The following ABCA10 variants were observed in gnomAD, a reference collection of about 807,000 sequenced individuals.
The protein encoded by ABCA10 is ATP binding cassette subfamily A member 10.
Under a neutral mutation model 187.5 loss-of-function variants are expected in ABCA10, and 169 were observed. The observed-to-expected ratio is 0.90, with a 90% CI of 0.80 to 1.02. The LOEUF (loss-of-function observed/expected upper bound fraction) is 1.02, where lower values mean the gene tolerates loss of function less well. Among genes scored for constraint, ABCA10 ranks in the 50% least tolerant of loss-of-function variants. ABCA10 has a pLI of 0.00. For synonymous variants in ABCA10, 574 were observed against 601.8 expected, an observed-to-expected ratio of 0.95 and a Z score of 0.68; for missense variants, 1,727 against 1,812.4, an observed-to-expected ratio of 0.95 and a Z score of 0.86.
rs74354466 is a variant in ABCA10, at chr17:69,215,666, T to A, written c.858+149A>T. On this transcript the variant is annotated intron_variant, in intron 8 of 38. Transcript: ENST00000690296. ...GCTTTGTTTATCCATTTGATAAAAC[T>A]TTTTTGTTGTTCTTATTTAGTTTCT... The A allele has an allele frequency of 2.6e-3, 1,981 of 753,506 alleles. 23 individuals are homozygous for A. The African/African-American group carries it at 0.031, about 12-fold the overall frequency. 46.7% of individuals were successfully genotyped at this position (753,506 alleles called of 1,614,324 possible).
intron 9 of ABCA10, among the ~76,000 whole-genome samples, chr17:69,205,031 G>A (rs563573578): frequency 6.6e-6 from 1 of 152,296 alleles, no homozygotes; most frequent in African/African-American, 2.4e-5. Flanking sequence ...GGGAGGCTGA[G>A]GTGGGAGGAT....
chr17:69,219,575 G>A lies in ABCA10; in HGVS notation c.500C>T (p.Thr167Ile). 2.5e-6 allele frequency: 4 copies of A among 1,606,266 alleles called. No homozygotes were observed. Among genetic ancestry groups the A allele is most frequent in the Non-Finnish European group, 3.4e-6 (4 of 1,176,556 alleles). ...RERGKFKKLMTVMGLRESAFW... is the reference protein window; with the variant it reads ...RERGKFKKLMIVMGLRESAFW... ...TGCTGACTCTCGGAGACCCATCACT[G>A]TCATCAGTTTCTTAAATTTTCCTCT... The change falls in exon 6 of 39, where the codon ACA becomes ATA. Residue 167 changes from threonine to isoleucine, a missense_variant. Physicochemically the swap from Thr to Ile is moderately conservative, Grantham distance 89. Coordinates refer to ENST00000690296, the MANE Select transcript of ABCA10 (RefSeq NM_001377321.1).
In ABCA10 at chr17:69,225,522, G is replaced by A. The variant is rs2074787227; in HGVS notation, c.-164C>T. ...ATATAGCCCTAGAAACAATGTTATT[G>A]TCCATTCCTCCAGCACACAAAAGAG... On this transcript the variant is annotated 5_prime_UTR_variant, in exon 3 of 39. It introduces an in-frame stop codon into an upstream open reading frame of the 5' UTR. Transcript: ENST00000690296. 1.6e-6 allele frequency: 1 copy of A among 607,096 alleles called. No homozygotes were observed. Among genetic ancestry groups the A allele is most frequent in the South Asian group, 2.3e-5 (1 of 42,932 alleles). 37.6% of individuals were successfully genotyped at this position (607,096 alleles called of 1,614,324 possible).
At chr17:69,194,294 A>T in intron 12 of ABCA10, 91 bp downstream of exon 12, 1 of 1,083,442 alleles carries the variant, frequency 9.2e-7, no homozygotes, top group Non-Finnish European at 1.4e-6. Flanking sequence ...ACTGTGTAAC[A>T]AGTCCAATTT....
intron 3 of ABCA10, 95 bp from the exon 4 acceptor site, chr17:69,222,792 G>T: frequency 8.5e-7 from 1 of 1,172,182 alleles, no homozygotes; most frequent in Non-Finnish European, 1.2e-6. Context: ...TATAAAATTA[G>T]TGGTATTATA....
chr17:69,192,756 A>G (rs2074470541), intron 15 of ABCA10, 103 bp from the exon 16 acceptor site: 2 of 983,542 alleles, frequency 2.0e-6, no homozygotes, highest in East Asian at 2.4e-5. Flanking sequence ...TTGTAATATC[A>G]ATACAACTGT....
At chr17:69,202,409 T>C (rs1349361391) in intron 9 of ABCA10, among the ~76,000 whole-genome samples, 1 of 152,078 alleles carries the variant, frequency 6.6e-6, no homozygotes, top group Non-Finnish European at 1.5e-5. Context: ...GTCCTAAGAA[T>C]ACAACAAAAG....
chr17:69,149,866 G>T, intron 37 of ABCA10, 118 bp downstream of exon 37: 1 of 764,280 alleles, frequency 1.3e-6, no homozygotes, highest in South Asian at 2.0e-5. Context: ...ATCCTGGTAG[G>T]GATTTTTCAA....
At chr17:69,216,609 T>C (rs2144840626) in intron 6 of ABCA10, among the ~76,000 whole-genome samples, 1 of 152,310 alleles carries the variant, frequency 6.6e-6, no homozygotes, top group East Asian at 1.9e-4. Context: ...TTTGAAGATG[T>C]TAGTTTAGCA....
rs535104461 is a variant in ABCA10, at chr17:69,150,282, G to C, written c.4398-219C>G. The C allele has an allele frequency of 9.2e-6, 4 of 432,444 alleles. No individual in the cohort carries two copies. The East Asian group carries it at 1.6e-4, about 18-fold the overall frequency. 26.8% of individuals were successfully genotyped at this position (432,444 alleles called of 1,614,324 possible). On this transcript the variant is annotated intron_variant, in intron 36 of 38. Transcript: ENST00000690296. ...ATTTTATGTTAAAGATAAATTCTGA[G>C]AAATAGCTCTGATTAAGAATCTTTC...
At position 69,171,739 on chromosome 17, in the gene ABCA10, C is replaced by T. The variant is rs193050551; in HGVS notation, c.3162+2542G>A. Among the ~76,000 whole-genome samples the T allele has an allele frequency of 3.3e-5, 5 of 152,182 alleles. No homozygotes were observed. In the East Asian group the frequency reaches 7.7e-4, roughly 23 times the overall value. On this transcript the variant is annotated intron_variant, in intron 25 of 38. Transcript: ENST00000690296. Reference sequence around the variant, plus strand: ...ATAGCAACTGACTGATAGCAGACATCTGAACAGTTAAAATGTAAGCAACAA... The same window carrying T: ...ATAGCAACTGACTGATAGCAGACATTTGAACAGTTAAAATGTAAGCAACAA...
upstream of ABCA10, among the ~76,000 whole-genome samples, chr17:69,231,277 A>T (rs1242203581): frequency 2.0e-5 from 3 of 152,078 alleles, no homozygotes; most frequent in Non-Finnish European, 4.4e-5. Flanking sequence ...TTCAAATGGC[A>T]TTCTCCTGTG....
intron 25 of ABCA10, among the ~76,000 whole-genome samples, chr17:69,167,185 T>C (rs1385628637): frequency 1.3e-5 from 2 of 152,262 alleles, no homozygotes; most frequent in Middle Eastern, 6.8e-3. Context: ...CCCAGAACCA[T>C]GTGAGTTCAA....
intron 11 of ABCA10, chr17:69,196,267 G>A (rs532882656): frequency 1.1e-4 from 18 of 167,760 alleles, no homozygotes; most frequent in Non-Finnish European, 1.9e-4. Context: ...GGTGGCTGCC[G>A]GGCAGAGGGG....
At chr17:69,232,052 C>G (rs1345902092), upstream of ABCA10, among the ~76,000 whole-genome samples, 5 of 152,066 alleles carry the variant, frequency 3.3e-5, no homozygotes, top group East Asian at 9.6e-4. Context: ...ATAAGTATAG[C>G]TACTCCTACT....
chr17:69,242,905 G>A (rs2048760365), intron 1 of ABCA10, among the ~76,000 whole-genome samples: 1 of 152,158 alleles, frequency 6.6e-6, no homozygotes, highest in Non-Finnish European at 1.5e-5. Flanking sequence ...CTGAAACTTA[G>A]ATTGGGTTAA....
intron 27 of ABCA10, among the ~76,000 whole-genome samples, chr17:69,157,944 A>G (rs2074186666): frequency 6.6e-6 from 1 of 151,978 alleles, no homozygotes; most frequent in Admixed American, 6.6e-5. Context: ...CAGAATATAA[A>G]ATAAAATTTA....
chr17:69,167,996 C>T (rs2074266952), intron 25 of ABCA10, among the ~76,000 whole-genome samples: 2 of 152,216 alleles, frequency 1.3e-5, no homozygotes, highest in South Asian at 2.1e-4. Context: ...CCTGCTCTAC[C>T]TTCTCTTCCT....
At chr17:69,218,513 A>G (rs568466039) in intron 6 of ABCA10, among the ~76,000 whole-genome samples, 120 of 152,224 alleles carry the variant, frequency 7.9e-4, no homozygotes, top group African/African-American at 2.7e-3. Flanking sequence ...TAATTATTAG[A>G]CTATAATACC....
Sources: gnomAD v4.1 joint callset for allele counts (sites outside exome capture counted in the v4.1 genomes callset) on GRCh38, gnomAD v4.1.1 for gene constraint, MANE v1.5 for transcripts, NCBI Gene and HGNC (gene_info 2026-07-23, HGNC 2026-07-21) for gene names.